The following EPHA10 variants were observed in gnomAD, a reference collection of about 807,000 sequenced individuals.
The protein encoded by EPHA10 is EPH receptor A10, also known as ephrin type-A receptor 10.
EPHA10 carries 120 observed loss-of-function variants against 109.7 expected under a neutral mutation model. The ratio of observed to expected loss-of-function variants is 1.09; its 90% CI spans 0.94 to 1.27. The LOEUF is 1.27. Ranked by LOEUF, EPHA10 falls within the 50% of genes most tolerant of loss-of-function variation. EPHA10 has a pLI of 0.00. For synonymous variants in EPHA10, 640 were observed against 618.9 expected (o/e 1.03, Z -0.51); for missense variants, 1,396 against 1,411.1 (o/e 0.99, Z 0.17).
At chr1:37,724,214 GGTT>G (rs1400970905) in intron 8 of EPHA10, among the ~76,000 whole-genome samples, 2 of 152,220 alleles carry the variant, frequency 1.3e-5, no homozygotes, top group Non-Finnish European at 2.9e-5. Flanking sequence ...AGGGCTGAGA[GGTT>G]GTTGGATGGC....
rs1442783751 is a variant in EPHA10, at chr1:37,717,583, T to C, written c.*789A>G. 2 of 231,312 alleles carry C rather than the reference T, an allele frequency of 8.6e-6. No homozygotes were observed. Among genetic ancestry groups the C allele is most frequent in the Non-Finnish European group, 1.7e-5 (2 of 116,872 alleles). 14.3% of individuals were successfully genotyped at this position (231,312 alleles called of 1,614,324 possible). A position where few individuals can be genotyped will look rare whatever the true frequency, so the allele number is the denominator to read the frequency against. ...TCCCTGGGGAGATAACATGGCCCTT[T>C]ATGCTTTTCCCAGATGTCCTGGCCA... On this transcript the variant is annotated 3_prime_UTR_variant, in exon 17 of 17. Transcript: ENST00000373048.
At chr1:37,732,904 T>TTTTG in intron 6 of EPHA10, among the ~76,000 whole-genome samples, 1 of 116,426 alleles carries the variant, frequency 8.6e-6, no homozygotes, top group African/African-American at 3.2e-5. Flanking sequence ...TTTTTTTTTT[T>TTTTG]TTTGAGGCAG....
chr1:37,731,078 C>T (rs1212478142), intron 7 of EPHA10, among the ~76,000 whole-genome samples: 1 of 152,120 alleles, frequency 6.6e-6, no homozygotes, highest in Non-Finnish European at 1.5e-5. Flanking sequence ...GCTCTAAGGC[C>T]TAGTGGGGAA....
chr1:37,722,458 G>A (rs1645814211), intron 10 of EPHA10, among the ~76,000 whole-genome samples: 1 of 152,184 alleles, frequency 6.6e-6, no homozygotes, highest in Non-Finnish European at 1.5e-5. Context: ...GGCTCCCAGT[G>A]AAAGCAGCTA....
chr1:37,730,876 GAGA>G (rs1395698568), intron 7 of EPHA10, among the ~76,000 whole-genome samples: 2 of 152,070 alleles, frequency 1.3e-5, no homozygotes, highest in African/African-American at 4.8e-5. Context: ...ATTTTTAGTA[GAGA>G]AGGAGTTTCA....
rs187403547 is a variant in EPHA10, at chr1:37,753,387, A to G, written c.1007-161T>C. Among the ~76,000 whole-genome samples, 1,140 of 150,698 alleles carry G rather than the reference A, an allele frequency of 7.6e-3. 13 individuals carry two copies. Among genetic ancestry groups the G allele is most frequent in the African/African-American group, 0.026 (1,070 of 40,892 alleles). On this transcript the variant is annotated intron_variant, in intron 4 of 16. Transcript: ENST00000373048. ...GAGGAGGGAACCAGGGCGTTCATCA[A>G]GGGACTTGGTGGATGAGGGGGGACG...
Position 37,764,627 on chromosome 1 carries a change from C to T in EPHA10, c.106+334G>A, listed in dbSNP as rs1646459712. 6.6e-6 allele frequency among the ~76,000 whole-genome samples: 1 copy of T among 152,134 alleles called. No individual in the cohort carries two copies. Among genetic ancestry groups the T allele is most frequent in the Non-Finnish European group, 1.5e-5 (1 of 68,016 alleles). ...GCTCACCTCCGCATCTCCCTGTCTC[C>T]ACTCTTCATCTCCCCGCCCCCGCAC... On this transcript the variant is annotated intron_variant, in intron 1 of 16. Coordinates refer to ENST00000373048, the MANE Select transcript of EPHA10 (RefSeq NM_001099439.2). This position sits in a 1 kb window ranked among gnomAD's most constrained non-coding sequence, Gnocchi z 5.8.
intron 7 of EPHA10, among the ~76,000 whole-genome samples, chr1:37,727,489 T>G (rs1242933936): frequency 6.6e-6 from 1 of 152,296 alleles, no homozygotes; most frequent in South Asian, 2.1e-4. Flanking sequence ...CCTCCCTCTA[T>G]GCCTTTCAGA....
intron 5 of EPHA10, among the ~76,000 whole-genome samples, chr1:37,743,396 GA>G (rs1646184634): frequency 1.3e-5 from 2 of 152,142 alleles, no homozygotes; most frequent in South Asian, 4.1e-4. Context: ...TAAAAATGGA[GA>G]AACTGAGAAG....
rs914264115 is a variant in EPHA10, at chr1:37,755,920, T to C, written c.851-1550A>G. Among the ~76,000 whole-genome samples, 94 of 152,268 alleles carry C rather than the reference T, an allele frequency of 6.2e-4. 1 individual carries two copies. The highest frequency in any genetic ancestry group is 2.2e-3 in the African/African-American group (90 of 41,542). Reference sequence around the variant, plus strand: ...GCTCTCCAGCTCCAAGAAGACGCAGTACAACAGAAAGGGTGCAGACTAGCC... The same window carrying C: ...GCTCTCCAGCTCCAAGAAGACGCAGCACAACAGAAAGGGTGCAGACTAGCC... On this transcript the variant is annotated intron_variant, in intron 3 of 16. Transcript: ENST00000373048.
Position 37,717,754 on chromosome 1 carries a change from T to A in EPHA10, c.*618A>T, listed in dbSNP as rs919255520. On this transcript the variant is annotated 3_prime_UTR_variant, in exon 17 of 17. Coordinates refer to ENST00000373048, the MANE Select transcript of EPHA10 (RefSeq NM_001099439.2). ...GGGGACACAGAAACCAGATCCTGAGTCTAGGGCTCTTGGGTATCAGCCCCT... is the reference window on the plus strand; with the variant it reads ...GGGGACACAGAAACCAGATCCTGAGACTAGGGCTCTTGGGTATCAGCCCCT... The A allele has an allele frequency of 4.3e-6, 1 of 231,126 alleles. No homozygotes were observed. The highest frequency in any genetic ancestry group is 2.2e-5 in the African/African-American group (1 of 45,098). The allele number at this position is 231,126 out of a possible 1,614,324, so 14.3% of individuals were successfully genotyped here.
downstream of EPHA10, among the ~76,000 whole-genome samples, chr1:37,714,328 AGTGT>A (rs922430728): frequency 3.3e-5 from 5 of 152,182 alleles, no homozygotes; most frequent in African/African-American, 1.2e-4. Context: ...ATGTGGTCCA[AGTGT>A]GTGTGTGCAC....
intron 5 of EPHA10, among the ~76,000 whole-genome samples, chr1:37,749,954 GT>G (rs1646298116): frequency 6.6e-6 from 1 of 152,122 alleles, no homozygotes; most frequent in Non-Finnish European, 1.5e-5. Flanking sequence ...TTTCAGCTCC[GT>G]TATAATCTTA....
rs554621266 is a variant in EPHA10, at chr1:37,735,174, GCTGGGAGGATGGC to G, written c.1491+70_1491+82del. On this transcript the variant is annotated intron_variant, in intron 6 of 16. Transcript: ENST00000373048. The stretch of plus-strand genomic sequence containing the variant: ...TACAAAGGGAGTAACGAGGGCTTTT[GCTGGGAGGATGGC>G]CTGAAGAACCAGAAGCCCTGCGGGA... The G allele has an allele frequency of 1.6e-4, 251 of 1,524,938 alleles. No individual in the cohort carries two copies. In the African/African-American group the frequency reaches 3.2e-3, roughly 19 times the overall value. The allele number at this position is 1,524,938 out of a possible 1,614,324, so 94.5% of individuals were successfully genotyped here.
intron 11 of EPHA10, among the ~76,000 whole-genome samples, chr1:37,721,108 G>C (rs545485631): frequency 1.3e-5 from 2 of 152,064 alleles, no homozygotes; most frequent in South Asian, 4.2e-4. Context: ...ATATTCTAGG[G>C]GACCTATCAC....
In EPHA10 at chr1:37,753,150, C is replaced by T. The variant is rs1003291063; in HGVS notation, c.1083G>A (p.Pro361=). The T allele has an allele frequency of 3.6e-6, 5 of 1,407,690 alleles. No homozygotes were observed. The highest frequency in any genetic ancestry group is 4.6e-6 in the Non-Finnish European group (5 of 1,080,974). The allele number at this position is 1,407,690 out of a possible 1,614,324, so 87.2% of individuals were successfully genotyped here. A position where few individuals can be genotyped will look rare whatever the true frequency, so the allele number is the denominator to read the frequency against. Reference sequence around the variant, plus strand: ...CCGAGCGGCCTCCCGAGTCGGCCGGCGGCAGCCAGCGCAGTCGCAGCACCA... The same window carrying T: ...CCGAGCGGCCTCCCGAGTCGGCCGGTGGCAGCCAGCGCAGTCGCAGCACCA... The part of the protein sequence containing the change: ...SPLVLRLRWL[P]PADSGGRSDV... The change falls in exon 5 of 17, where the codon CCG becomes CCA. Residue 361 remains proline (P), a synonymous_variant. Coordinates refer to ENST00000373048, the MANE Select transcript of EPHA10 (RefSeq NM_001099439.2).
chr1:37,728,753 G>C (rs1645935045), intron 7 of EPHA10, among the ~76,000 whole-genome samples: 1 of 152,162 alleles, frequency 6.6e-6, no homozygotes, highest in Non-Finnish European at 1.5e-5. Context: ...CAGAAGACGA[G>C]AGTTAGAAGC....
At chr1:37,734,010 AC>A (rs1248601998) in intron 6 of EPHA10, among the ~76,000 whole-genome samples, 3 of 152,120 alleles carry the variant, frequency 2.0e-5, no homozygotes, top group Non-Finnish European at 4.4e-5. Context: ...CAGGTCAGAC[AC>A]CCAGCAGTGA....
chr1:37,759,669 C>T (rs993484640), intron 3 of EPHA10, among the ~76,000 whole-genome samples: 1 of 152,094 alleles, frequency 6.6e-6, no homozygotes, highest in Non-Finnish European at 1.5e-5. Context: ...TATAGTCCCA[C>T]CTACTCAGGA....
Sources: allele counts gnomAD v4.1 joint callset (sites outside exome capture counted in the v4.1 genomes callset), GRCh38; gene constraint gnomAD v4.1.1; non-coding constraint Gnocchi (gnomAD v3.1); transcripts MANE v1.5; gene names NCBI Gene and HGNC (gene_info 2026-07-23, HGNC 2026-07-21).